The following SPOCK1 variants were observed in gnomAD, a reference collection of about 807,000 sequenced individuals.
SPOCK1 encodes SPARC (osteonectin), cwcv and kazal like domains proteoglycan 1.
Under a neutral mutation model 55.3 loss-of-function variants are expected in SPOCK1, and 23 were observed. The observed-to-expected ratio is 0.42, with a 90% CI of 0.30 to 0.59. The LOEUF (loss-of-function observed/expected upper bound fraction) is 0.59, where lower values mean the gene tolerates loss of function less well. Ranked by LOEUF, SPOCK1 falls within the 20% of genes least tolerant of loss-of-function variation. The pLI is 0.22. For missense variants in SPOCK1, 499 were observed against 552.5 expected (o/e 0.90, Z 0.97); for synonymous variants, 226 against 221.0 (o/e 1.02, Z -0.20).
chr5:137,357,168 A>T (rs1750836520), intron 2 of SPOCK1, among the ~76,000 whole-genome samples: 1 of 152,056 alleles, frequency 6.6e-6, no homozygotes, highest in African/African-American at 2.4e-5. Flanking sequence ...AGAATCCAAC[A>T]AGAGGACCAC....
chr5:137,160,081 C>T (rs1038038617), intron 3 of SPOCK1, among the ~76,000 whole-genome samples: 2 of 151,834 alleles, frequency 1.3e-5, no homozygotes, highest in Non-Finnish European at 1.5e-5. Flanking sequence ...GTGTACACTG[C>T]ACCATATTTG....
At chr5:136,994,863 G>A (rs1007160161) in intron 6 of SPOCK1, among the ~76,000 whole-genome samples, 1 of 152,014 alleles carries the variant, frequency 6.6e-6, no homozygotes, top group Non-Finnish European at 1.5e-5. Context: ...AAATTAGCCA[G>A]TCATGGTGGT....
chr5:137,439,338 TA>T (rs1353171534), intron 2 of SPOCK1, among the ~76,000 whole-genome samples: 3 of 152,110 alleles, frequency 2.0e-5, no homozygotes, highest in African/African-American at 7.2e-5. Flanking sequence ...CCTCACTCAT[TA>T]AAGTCTCAGC....
chr5:137,278,200 A>G (rs557857023), intron 2 of SPOCK1, among the ~76,000 whole-genome samples: 1 of 152,314 alleles, frequency 6.6e-6, no homozygotes, highest in East Asian at 1.9e-4. Context: ...AGACTGTCCT[A>G]GCTGCCACCT....
At chr5:137,084,132 G>A (rs1025667689) in intron 5 of SPOCK1, among the ~76,000 whole-genome samples, 2 of 152,022 alleles carry the variant, frequency 1.3e-5, no homozygotes, top group African/African-American at 4.8e-5. Flanking sequence ...CCCTCTGCCA[G>A]CCCCACCTCC....
intron 5 of SPOCK1, among the ~76,000 whole-genome samples, chr5:137,111,972 G>T (rs1440719968): frequency 6.6e-6 from 1 of 152,040 alleles, no homozygotes; most frequent in Admixed American, 6.6e-5. Flanking sequence ...CTTATTTGGG[G>T]CCTGTGCAGG....
intron 2 of SPOCK1, among the ~76,000 whole-genome samples, chr5:137,305,833 C>T (rs988698577): frequency 1.3e-5 from 2 of 152,216 alleles, no homozygotes; most frequent in African/African-American, 4.8e-5. Context: ...CTTGTGCATG[C>T]TCTTTCCAAG....
intron 2 of SPOCK1, among the ~76,000 whole-genome samples, chr5:137,486,207 G>A (rs1252296400): frequency 3.9e-5 from 6 of 152,188 alleles, no homozygotes; most frequent in Admixed American, 6.5e-5. Context: ...CCTGTTGGCA[G>A]TGTCTGTACC....
At chr5:137,165,228 GACTT>G (rs1275844962) in intron 3 of SPOCK1, among the ~76,000 whole-genome samples, 3 of 152,194 alleles carry the variant, frequency 2.0e-5, no homozygotes, top group African/African-American at 7.2e-5. Context: ...CAGAAAGAAA[GACTT>G]TGTTTGTTTG....
intron 4 of SPOCK1, among the ~76,000 whole-genome samples, chr5:137,138,384 G>A (rs554296195): frequency 7.9e-4 from 120 of 152,204 alleles, no homozygotes; most frequent in African/African-American, 2.6e-3. Flanking sequence ...CTGCTGAATA[G>A]GTCTCAAACC....
At chr5:137,318,154 A>C (rs556686304) in intron 2 of SPOCK1, among the ~76,000 whole-genome samples, 4 of 152,118 alleles carry the variant, frequency 2.6e-5, no homozygotes, top group Non-Finnish European at 5.9e-5. Flanking sequence ...AGACCACATA[A>C]ATATGTAATC....
intron 2 of SPOCK1, among the ~76,000 whole-genome samples, chr5:137,412,818 A>C (rs1392136719): frequency 6.6e-6 from 1 of 152,210 alleles, no homozygotes; most frequent in Non-Finnish European, 1.5e-5. Flanking sequence ...ATAAATGTGC[A>C]GGAATGTTCT....
intron 2 of SPOCK1, among the ~76,000 whole-genome samples, chr5:137,467,715 C>T (rs889326218): frequency 3.3e-5 from 5 of 151,986 alleles, no homozygotes; most frequent in East Asian, 1.9e-4. Context: ...AGGGCAGGGC[C>T]GGTAAAGAGA....
chr5:137,072,570 A>G (rs1005221628), intron 5 of SPOCK1, among the ~76,000 whole-genome samples: 2 of 152,126 alleles, frequency 1.3e-5, no homozygotes, highest in Non-Finnish European at 2.9e-5. Flanking sequence ...ACTCTAATAC[A>G]TTGGTTGGAA....
chr5:137,059,479 C>T lies in SPOCK1; in HGVS notation c.589+8236G>A, dbSNP rs1241066427. On this transcript the variant is annotated intron_variant, in intron 6 of 10. Coordinates refer to ENST00000394945, the MANE Select transcript of SPOCK1 (RefSeq NM_004598.4). ...TGGATTAAAGACTTAAATGCGAAAC[C>T]TAAAACTATAAAACCTCTTCAAGAA... 3.3e-5 allele frequency among the ~76,000 whole-genome samples: 5 copies of T among 152,204 alleles called. No individual in the cohort carries two copies. The East Asian group carries it at 9.7e-4, about 29-fold the overall frequency.
intron 3 of SPOCK1, among the ~76,000 whole-genome samples, chr5:137,238,667 C>T (rs1227393148): frequency 6.6e-6 from 1 of 152,204 alleles, no homozygotes; most frequent in Non-Finnish European, 1.5e-5. Flanking sequence ...TCCAAAGACA[C>T]TGAAGAGGTA....
intron 4 of SPOCK1, among the ~76,000 whole-genome samples, chr5:137,136,420 T>C (rs1753986788): frequency 6.6e-6 from 1 of 152,182 alleles, no homozygotes; most frequent in African/African-American, 2.4e-5. Context: ...ATAAATAATT[T>C]GTAGTATCAT....
intron 2 of SPOCK1, among the ~76,000 whole-genome samples, chr5:137,492,997 C>T (rs1754220211): frequency 6.6e-6 from 1 of 152,210 alleles, no homozygotes; most frequent in Admixed American, 6.5e-5. Flanking sequence ...GCATCTCACA[C>T]CGAATGAAAC....
At chr5:137,320,469 C>A (rs751619418) in intron 2 of SPOCK1, among the ~76,000 whole-genome samples, 3 of 152,224 alleles carry the variant, frequency 2.0e-5, no homozygotes, top group Non-Finnish European at 4.4e-5. Context: ...TGTGTTCTGG[C>A]TTTTCAAGGG....
Sources: gnomAD v4.1 joint callset for allele counts (sites outside exome capture counted in the v4.1 genomes callset) on GRCh38, gnomAD v4.1.1 for gene constraint, MANE v1.5 for transcripts, NCBI Gene and HGNC (gene_info 2026-07-23, HGNC 2026-07-21) for gene names.